DCLK1: variants seen among roughly 807,000 people sequenced by gnomAD.
The protein encoded by DCLK1 is doublecortin like kinase 1, also known as serine/threonine-protein kinase DCLK1.
In DCLK1, 16 loss-of-function variants were observed where a neutral mutation model predicts 86.2. The ratio of observed to expected loss-of-function variants is 0.19; its 90% CI spans 0.13 to 0.28. The LOEUF is 0.28. DCLK1 is among the 10% of genes least tolerant of loss of function. The pLI, the probability that DCLK1 is intolerant of heterozygous loss-of-function variation, is 1.00. For missense variants in DCLK1, 590 were observed against 940.2 expected (o/e 0.63, Z 4.87); for synonymous variants, 369 against 370.5 (o/e 1.00, Z 0.05).
chr13:36,119,058 C>T (rs1885890961), intron 2 of DCLK1, among the ~76,000 whole-genome samples: 1 of 152,060 alleles, frequency 6.6e-6, no homozygotes, highest in Non-Finnish European at 1.5e-5. Flanking sequence ...AACATTAGGA[C>T]CCTAGCAGGT....
rs189413040 is a variant in DCLK1 at position 36,084,442 on chromosome 13, A to C, written c.723+27427T>G. Among the ~76,000 whole-genome samples, 35 of 152,338 alleles carry C rather than the reference A, an allele frequency of 2.3e-4. No homozygotes were observed. In the East Asian group the frequency reaches 6.6e-3, roughly 29 times the overall value. On this transcript the variant is annotated intron_variant, in intron 3 of 16. Transcript: ENST00000360631. ...TATGTATAATCTGATAAAAAGAAAT[A>C]GCTAAACAGAAAAGATATAAACAAA...
chr13:35,891,864 C>T (rs772525163), intron 4 of DCLK1, among the ~76,000 whole-genome samples: 1 of 152,184 alleles, frequency 6.6e-6, no homozygotes, highest in South Asian at 2.1e-4. Flanking sequence ...AATTCTTTCA[C>T]TCTCTCCTTT....
At chr13:36,120,865 C>T (rs985314010) in intron 2 of DCLK1, among the ~76,000 whole-genome samples, 2 of 152,136 alleles carry the variant, frequency 1.3e-5, no homozygotes, top group Non-Finnish European at 2.9e-5. Context: ...GATTTCAAAA[C>T]ATCTTGTTGA....
At chr13:35,864,564 CAAAAAAAAAA>C (rs1191888940) in intron 5 of DCLK1, among the ~76,000 whole-genome samples, 2 of 20,748 alleles carry the variant, frequency 9.6e-5, no homozygotes, top group Non-Finnish European at 1.4e-4. Context: ...GACTCCGTCT[CAAAAAAAAAA>C]AAAAAAAAAA....
intron 3 of DCLK1, among the ~76,000 whole-genome samples, chr13:36,103,582 C>T (rs1239374868): frequency 1.3e-5 from 2 of 152,092 alleles, no homozygotes; most frequent in Non-Finnish European, 2.9e-5. Context: ...AAAAATAAAT[C>T]TCCCATCTGT....
chr13:36,131,519 C>T (rs1354124543), upstream of DCLK1, among the ~76,000 whole-genome samples: 4 of 152,146 alleles, frequency 2.6e-5, no homozygotes. Flanking sequence ...ACCACGGCTG[C>T]GCCCCAGGTC....
At chr13:35,888,346 C>T (rs528054579) in intron 4 of DCLK1, among the ~76,000 whole-genome samples, 88 of 152,322 alleles carry the variant, frequency 5.8e-4, no homozygotes, top group Middle Eastern at 3.4e-3. Flanking sequence ...TGTGATTAAT[C>T]TTCAATTCCA....
chr13:36,013,949 G>A (rs915077717), intron 3 of DCLK1, among the ~76,000 whole-genome samples: 46 of 152,080 alleles, frequency 3.0e-4, no homozygotes, highest in Non-Finnish European at 8.8e-5. Context: ...TTTTTAAGCC[G>A]GTCTGAAAAG....
chr13:35,784,372 G>A (rs1465337895), intron 16 of DCLK1, among the ~76,000 whole-genome samples: 2 of 152,140 alleles, frequency 1.3e-5, no homozygotes, highest in Non-Finnish European at 2.9e-5. Flanking sequence ...AGGGGCCTCT[G>A]AAAACAAAAT....
At chr13:35,875,419 G>T (rs1169178698) in intron 4 of DCLK1, among the ~76,000 whole-genome samples, 1 of 152,170 alleles carries the variant, frequency 6.6e-6, no homozygotes, top group African/African-American at 2.4e-5. Context: ...ATGCTGTTTG[G>T]CACAGGTGCC....
At chr13:36,019,441 C>CAA (rs1447755719) in intron 3 of DCLK1, among the ~76,000 whole-genome samples, 8 of 152,140 alleles carry the variant, frequency 5.3e-5, no homozygotes, top group African/African-American at 1.9e-4. Flanking sequence ...AGAGTCTTAT[C>CAA]AAAAGTATTG....
At chr13:35,789,432 C>A (rs1328421604) in intron 16 of DCLK1, among the ~76,000 whole-genome samples, 3 of 152,134 alleles carry the variant, frequency 2.0e-5, no homozygotes, top group Non-Finnish European at 4.4e-5. Context: ...AGAAAAAAAT[C>A]AAAGTATACT....
chr13:35,898,618 C>G lies in DCLK1; in HGVS notation c.824-27278G>C, dbSNP rs2153121519. Among the ~76,000 whole-genome samples, 2 of 152,326 alleles carry G rather than the reference C, an allele frequency of 1.3e-5. 1 individual carries two copies. Among genetic ancestry groups the G allele is most frequent in the South Asian group, 4.1e-4 (2 of 4,820 alleles). On this transcript the variant is annotated intron_variant, in intron 4 of 16. Transcript: ENST00000360631. ...TTGTGAATTATCACTTTAAAATTCA[C>G]CCAGGCATGAATGAGTAAAAAGCAT...
chr13:36,025,330 C>G lies in DCLK1; in HGVS notation c.724-77873G>C, dbSNP rs181602729. Among the ~76,000 whole-genome samples, 27 of 152,268 alleles carry G rather than the reference C, an allele frequency of 1.8e-4. No individual in the cohort carries two copies. In the East Asian group the frequency reaches 3.9e-3, roughly 22 times the overall value. ...AATGGAGAAGGAATATCCTATCCAA[C>G]AAATGGTTCTAGGACAACCAGACAC... On this transcript the variant is annotated intron_variant, in intron 3 of 16. Transcript: ENST00000360631.
chr13:35,787,861 T>C (rs2086649882), intron 16 of DCLK1: 2 of 336,194 alleles, frequency 5.9e-6, no homozygotes, highest in South Asian at 5.2e-5. Flanking sequence ...GTGCTATTGT[T>C]CTTCCATTTG....
chr13:35,900,030 T>A (rs1227926915), intron 4 of DCLK1, among the ~76,000 whole-genome samples: 3 of 152,174 alleles, frequency 2.0e-5, no homozygotes, highest in African/African-American at 4.8e-5. Context: ...AAGTATTTTC[T>A]TCATTAATTA....
At chr13:35,893,076 A>C (rs1403097856) in intron 4 of DCLK1, among the ~76,000 whole-genome samples, 1 of 152,220 alleles carries the variant, frequency 6.6e-6, no homozygotes, top group Non-Finnish European at 1.5e-5. Flanking sequence ...CTGGACACAT[A>C]GGCGGAGCCC....
intron 2 of DCLK1, among the ~76,000 whole-genome samples, chr13:36,121,736 G>T (rs1046138410): frequency 1.3e-5 from 2 of 152,132 alleles, no homozygotes; most frequent in Non-Finnish European, 2.9e-5. Context: ...GTCATAGAAC[G>T]TATTTCCTTC....
At position 35,947,309 on chromosome 13, in the gene DCLK1, C is replaced by T. The variant is rs750331916; in HGVS notation, c.823+49G>A. 15 of 1,525,254 alleles carry T rather than the reference C, an allele frequency of 9.8e-6. No homozygotes were observed. In the East Asian group the frequency reaches 2.3e-4, roughly 24 times the overall value. 94.5% of individuals were successfully genotyped at this position (1,525,254 alleles called of 1,614,324 possible). On this transcript the variant is annotated intron_variant, in intron 4 of 16. Coordinates refer to ENST00000360631, the MANE Select transcript of DCLK1 (RefSeq NM_001330071.2). ...ATCTTGGCCTGGTGCAGCTCATTTT[C>T]GAAAGCTGCCTCAAATTTCCCCTGG... is the stretch of plus-strand genomic sequence containing the variant.
Sources: gnomAD v4.1 joint callset for allele counts (sites outside exome capture counted in the v4.1 genomes callset) on GRCh38, gnomAD v4.1.1 for gene constraint, MANE v1.5 for transcripts, NCBI Gene and HGNC (gene_info 2026-07-23, HGNC 2026-07-21) for gene names.